Variants in EDAR observed in about 807,000 individuals in gnomAD.
EDAR encodes the protein ectodysplasin A receptor, also known as tumor necrosis factor receptor superfamily member EDAR.
Under a neutral mutation model 51.3 loss-of-function variants are expected in EDAR, and 38 were observed. The ratio of observed to expected loss-of-function variants is 0.74; its 90% CI spans 0.57 to 0.97. The LOEUF (loss-of-function observed/expected upper bound fraction) is 0.97, where lower values mean the gene tolerates loss of function less well. EDAR is among the 50% of genes least tolerant of loss of function. The probability of loss-of-function intolerance (pLI) is 0.00; values close to 1 mark genes in which losing one functional copy is unlikely to be tolerated. For missense variants in EDAR, 528 were observed against 595.0 expected, an observed-to-expected ratio of 0.89 and a Z score of 1.17; for synonymous variants, 227 against 242.1, an observed-to-expected ratio of 0.94 and a Z score of 0.58.
chr2:108,943,426 A>G (rs1697647569), intron 1 of EDAR, among the ~76,000 whole-genome samples: 1 of 152,182 alleles, frequency 6.6e-6, no homozygotes, highest in African/African-American at 2.4e-5. Context: ...TACAGATTAA[A>G]CTGCAATCAC....
chr2:108,920,669 T>C (rs1192518781), intron 5 of EDAR, among the ~76,000 whole-genome samples: 1 of 152,228 alleles, frequency 6.6e-6, no homozygotes, highest in Non-Finnish European at 1.5e-5. Flanking sequence ...CCTCTTTGGT[T>C]TCCCTCTCAT....
At chr2:108,979,626 G>A (rs1698388731) in intron 1 of EDAR, among the ~76,000 whole-genome samples, 1 of 152,222 alleles carries the variant, frequency 6.6e-6, no homozygotes, top group East Asian at 1.9e-4. Flanking sequence ...GGGCTGTGGA[G>A]AAGAGAAGCC....
intron 5 of EDAR, among the ~76,000 whole-genome samples, chr2:108,915,520 T>C (rs1697010911): frequency 6.6e-6 from 1 of 152,176 alleles, no homozygotes; most frequent in Admixed American, 6.5e-5. Context: ...AATGGAGGCT[T>C]TTTTCCTCGT....
chr2:108,986,806 T>G (rs1171001028), intron 1 of EDAR, among the ~76,000 whole-genome samples: 1 of 152,210 alleles, frequency 6.6e-6, no homozygotes, highest in African/African-American at 2.4e-5. Flanking sequence ...TCCTGCAATA[T>G]ACGAATTCAG....
chr2:108,959,728 T>C (rs957000622), intron 1 of EDAR, among the ~76,000 whole-genome samples: 5 of 152,190 alleles, frequency 3.3e-5, no homozygotes, highest in African/African-American at 1.2e-4. Flanking sequence ...CCCCAGCGTA[T>C]GAGAGCCAAA....
At chr2:108,976,832 TC>T (rs1294741608) in intron 1 of EDAR, among the ~76,000 whole-genome samples, 26 of 152,230 alleles carry the variant, frequency 1.7e-4, no homozygotes, top group Admixed American at 1.6e-3. Flanking sequence ...TCTTAGGACC[TC>T]TTTACTTTCT....
rs374905930 is a variant in EDAR at position 108,965,341 on chromosome 2, C to T, written c.-19+23619G>A. On this transcript the variant is annotated intron_variant, in intron 1 of 11. Coordinates refer to ENST00000258443, the MANE Select transcript of EDAR (RefSeq NM_022336.4). ...AAATACAAAAACAAAATTAGCTGGG[C>T]GTGGTGGTGGGTGCCTGTAGTCCCA... 2.2e-4 allele frequency among the ~76,000 whole-genome samples: 33 copies of T among 151,638 alleles called. No individual in the cohort carries two copies. The East Asian group carries it at 2.3e-3, about 11-fold the overall frequency.
chr2:108,979,281 G>C (rs1698380175), intron 1 of EDAR, among the ~76,000 whole-genome samples: 2 of 152,156 alleles, frequency 1.3e-5, no homozygotes, highest in South Asian at 4.1e-4. Flanking sequence ...TCTGGTTGGA[G>C]AAGTTTAGTC....
At chr2:108,954,851 T>A (rs1275179303) in intron 1 of EDAR, among the ~76,000 whole-genome samples, 1 of 151,998 alleles carries the variant, frequency 6.6e-6, no homozygotes, top group Admixed American at 6.6e-5. Flanking sequence ...AATTTTTGTA[T>A]ACATGTATTT....
chr2:108,937,865 C>G (rs1333709126), intron 1 of EDAR, among the ~76,000 whole-genome samples: 2 of 152,136 alleles, frequency 1.3e-5, no homozygotes, highest in Non-Finnish European at 2.9e-5. Flanking sequence ...GGCCCTGAGC[C>G]CTCGGGTGGG....
chr2:108,969,688 C>T (rs1698205009), intron 1 of EDAR, among the ~76,000 whole-genome samples: 1 of 152,214 alleles, frequency 6.6e-6, no homozygotes, highest in Non-Finnish European at 1.5e-5. Flanking sequence ...ACTAAAGGCA[C>T]AGCACCATCT....
rs756956782 is a variant in EDAR at position 108,929,067 on chromosome 2, C to T, written c.356+131G>A. The stretch of plus-strand genomic sequence containing the variant: ...GGATGCTGCTCCTTGTGGGATGGGA[C>T]CAAGGCCAGGTGTGCGGCTGCACCG... On this transcript the variant is annotated intron_variant, in intron 4 of 11. Coordinates refer to ENST00000258443, the MANE Select transcript of EDAR (RefSeq NM_022336.4). 4 of 1,094,118 alleles carry T rather than the reference C, an allele frequency of 3.7e-6. No homozygotes were observed. The African/African-American group carries it at 4.6e-5, about 13-fold the overall frequency. The allele number at this position is 1,094,118 out of a possible 1,614,324, so 67.8% of individuals were successfully genotyped here.
chr2:108,970,548 G>A (rs1470811794), intron 1 of EDAR, among the ~76,000 whole-genome samples: 3 of 152,076 alleles, frequency 2.0e-5, no homozygotes, highest in African/African-American at 4.8e-5. Context: ...AGCCTGACTG[G>A]GCAGGGAGGT....
At chr2:108,962,607 G>A (rs374308259) in intron 1 of EDAR, among the ~76,000 whole-genome samples, 6 of 150,630 alleles carry the variant, frequency 4.0e-5, no homozygotes, top group East Asian at 3.9e-4. Context: ...CCCAGGAGGC[G>A]GAGCTTGCAG....
chr2:108,981,134 G>A (rs898655728), intron 1 of EDAR, among the ~76,000 whole-genome samples: 9 of 152,174 alleles, frequency 5.9e-5, no homozygotes, highest in Non-Finnish European at 1.5e-5. Context: ...TTCCCATGAG[G>A]CAAGTATGTG....
intron 1 of EDAR, among the ~76,000 whole-genome samples, chr2:108,950,199 C>CCCTA (rs1331549104): frequency 5.3e-5 from 8 of 150,514 alleles, no homozygotes; most frequent in Non-Finnish European, 1.2e-4. Flanking sequence ...TTCCTTCCCT[C>CCCTA]CCTACCTCCC....
At chr2:108,966,314 T>C (rs761731596) in intron 1 of EDAR, among the ~76,000 whole-genome samples, 5 of 152,232 alleles carry the variant, frequency 3.3e-5, no homozygotes, top group Non-Finnish European at 7.3e-5. Context: ...AATTAACACA[T>C]GAACTTTGGG....
intron 1 of EDAR, among the ~76,000 whole-genome samples, chr2:108,941,984 G>A (rs1574394922): frequency 6.6e-6 from 1 of 152,340 alleles, no homozygotes; most frequent in South Asian, 2.1e-4. Flanking sequence ...GCTGGGGAAG[G>A]TGGCTGCCTT....
At position 108,972,909 on chromosome 2, in the gene EDAR, C is replaced by T. The variant is rs1698261299; in HGVS notation, c.-19+16051G>A. ...CTCTCTGAGCTGGGCACGCCCAGAA[C>T]AAGGCAACCTGTGCTCCAAGTCCAA... On this transcript the variant is annotated intron_variant, in intron 1 of 11. Transcript: ENST00000258443. 2.6e-5 allele frequency among the ~76,000 whole-genome samples: 4 copies of T among 152,340 alleles called. No individual in the cohort carries two copies. In the South Asian group the frequency reaches 8.3e-4, roughly 32 times the overall value.
Sources: allele counts gnomAD v4.1 joint callset (sites outside exome capture counted in the v4.1 genomes callset), GRCh38; gene constraint gnomAD v4.1.1; transcripts MANE v1.5; gene names NCBI Gene and HGNC (gene_info 2026-07-23, HGNC 2026-07-21).